MGRN1: variants seen among roughly 807,000 people sequenced by gnomAD.
MGRN1 encodes E3 ubiquitin-protein ligase MGRN1.
Under a neutral mutation model 69.2 loss-of-function variants are expected in MGRN1, and 29 were observed. The ratio of observed to expected loss-of-function variants is 0.42; its 90% CI spans 0.31 to 0.57. The LOEUF (loss-of-function observed/expected upper bound fraction) is 0.57, where lower values mean the gene tolerates loss of function less well. Among genes scored for constraint, MGRN1 ranks in the 20% least tolerant of loss-of-function variants. MGRN1 has a pLI of 0.15. For synonymous variants in MGRN1, 470 were observed against 344.2 expected, an observed-to-expected ratio of 1.37 and a Z score of -4.04; for missense variants, 998 against 796.2, an observed-to-expected ratio of 1.25 and a Z score of -3.05.
chr16:4,682,516 C>G (rs911897013), intron 13 of MGRN1, among the ~76,000 whole-genome samples: 13 of 152,254 alleles, frequency 8.5e-5, no homozygotes, highest in African/African-American at 1.7e-4. Context: ...GGGCCTCTGT[C>G]TCCTGCTGCT....
At chr16:4,656,599 A>T (rs988233051) in intron 4 of MGRN1, among the ~76,000 whole-genome samples, 1 of 152,122 alleles carries the variant, frequency 6.6e-6, no homozygotes, top group Non-Finnish European at 1.5e-5. Flanking sequence ...AGTAAACTCA[A>T]GCTGGGTGCA....
chr16:4,660,766 C>T (rs1481906633), intron 5 of MGRN1, among the ~76,000 whole-genome samples: 1 of 129,262 alleles, frequency 7.7e-6, no homozygotes, highest in Admixed American at 7.6e-5. Flanking sequence ...GACGATGACT[C>T]CTGTGTGGAC....
chr16:4,628,877 G>C (rs887327822), intron 1 of MGRN1, among the ~76,000 whole-genome samples: 1 of 151,794 alleles, frequency 6.6e-6, no homozygotes, highest in African/African-American at 2.4e-5. Context: ...GTCTCGCTCT[G>C]TTGCCCTGGA....
At position 4,639,619 on chromosome 16, in the gene MGRN1, G is replaced by A. The variant is rs558526755; in HGVS notation, c.89-10746G>A. ...GCACAGCGTCTGCCCCCTCGGTGCG[G>A]GAGGATGAGGAACGCCTGCCTGTGG... On this transcript the variant is annotated intron_variant, in intron 1 of 16. Transcript: ENST00000262370. Among the ~76,000 whole-genome samples the A allele has an allele frequency of 6.5e-4, 99 of 152,238 alleles. No individual in the cohort carries two copies. The South Asian group carries it at 0.019, about 30-fold the overall frequency.
intron 10 of MGRN1, among the ~76,000 whole-genome samples, chr16:4,674,586 TTTTTCTTTTC>T (rs1485322218): frequency 7.9e-5 from 11 of 140,040 alleles, no homozygotes; most frequent in Non-Finnish European, 1.4e-4. Flanking sequence ...CGCTTTTTTT[TTTTTCTTTTC>T]TTTTCTTTTT....
Position 4,680,345 on chromosome 16 carries a change from G to GC in MGRN1, c.1131+253dup. 6.1e-6 allele frequency: 3 copies of GC among 488,590 alleles called. No individual in the cohort carries two copies. The East Asian group carries it at 1.1e-4, about 18-fold the overall frequency. 30.3% of individuals were successfully genotyped at this position (488,590 alleles called of 1,614,324 possible). On this transcript the variant is annotated intron_variant, in intron 12 of 16. Transcript: ENST00000262370. ...CTCAGCTTTGCCTCCGCCCCGCGTG[G>GC]CCCCCGTGCCGTTTCCCTTTTTTTT...
intron 14 of MGRN1, 78 bp downstream of exon 14, chr16:4,683,024 C>A (rs956110499): frequency 7.4e-6 from 11 of 1,485,842 alleles, no homozygotes; most frequent in Non-Finnish European, 9.9e-6. Flanking sequence ...AATCAGACCC[C>A]ATCCCACTGC....
chr16:4,624,995 T>C lies in MGRN1; in HGVS notation c.35T>C (p.Val12Ala). 1.3e-6 allele frequency: 2 copies of C among 1,558,014 alleles called. No homozygotes were observed. Among genetic ancestry groups the C allele is most frequent in the Non-Finnish European group, 1.7e-6 (2 of 1,154,838 alleles). ...ATTCTCAGCCGCCGCATCGCGGGGG[T>C]GGAGGACATCGACATCCAGGCGAAC... ...GSILSRRIAG[V>A]EDIDIQANSA... Residue 12 changes from valine to alanine, a missense_variant, in exon 1 of 17, where the codon GTG becomes GCG. Coordinates refer to ENST00000262370, the MANE Select transcript of MGRN1 (RefSeq NM_015246.4).
rs1373537267 is a variant in MGRN1 at position 4,690,833 on chromosome 16, C to T, written c.*1925C>T. On this transcript the variant is annotated 3_prime_UTR_variant, in exon 17 of 17. Transcript: ENST00000262370. ...AGGCCCCAGCCTCTGGCCATCAGTC[C>T]TGGTGCCAGAGCTTTGCGTGAAGTT... is the stretch of plus-strand genomic sequence containing the variant. 2 of 141,934 alleles carry T rather than the reference C, an allele frequency of 1.4e-5. No homozygotes were observed. Among genetic ancestry groups the T allele is most frequent in the Admixed American group, 7.0e-5 (1 of 14,230 alleles). 8.8% of individuals were successfully genotyped at this position (141,934 alleles called of 1,614,324 possible). A position where few individuals can be genotyped will look rare whatever the true frequency, so the allele number is the denominator to read the frequency against.
At chr16:4,625,612 C>G (rs995773279) in intron 1 of MGRN1, among the ~76,000 whole-genome samples, 11 of 152,056 alleles carry the variant, frequency 7.2e-5, no homozygotes, top group African/African-American at 2.7e-4. Flanking sequence ...CTGAGAGGAC[C>G]CAGCCGATAC....
chr16:4,628,000 A>C (rs1897775969), intron 1 of MGRN1, among the ~76,000 whole-genome samples: 1 of 148,770 alleles, frequency 6.7e-6, no homozygotes, highest in Admixed American at 6.7e-5. Context: ...GAATGGTGTG[A>C]ACCCAGGAGG....
In MGRN1 at chr16:4,677,591, C is replaced by T. The variant is rs2079081149; in HGVS notation, c.1065+19C>T. Reference sequence around the variant, plus strand: ...GCACTCTGTAAGTGCCGCCTCCTGCCTGCGGGATGGGCGGGAGAGGGGCAT... The same window carrying T: ...GCACTCTGTAAGTGCCGCCTCCTGCTTGCGGGATGGGCGGGAGAGGGGCAT... On this transcript the variant is annotated intron_variant, in intron 11 of 16. Coordinates refer to ENST00000262370, the MANE Select transcript of MGRN1 (RefSeq NM_015246.4). 3 of 1,595,320 alleles carry T rather than the reference C, an allele frequency of 1.9e-6. No homozygotes were observed. The highest frequency in any genetic ancestry group is 1.7e-5 in the Admixed American group (1 of 59,944).
chr16:4,687,220 G>A, intron 16 of MGRN1: 1 of 985,434 alleles, frequency 1.0e-6, no homozygotes. Flanking sequence ...CCCCCAAGAG[G>A]CGCCCTCTAC....
At chr16:4,678,186 C>T (rs898107584) in intron 11 of MGRN1, among the ~76,000 whole-genome samples, 5 of 152,206 alleles carry the variant, frequency 3.3e-5, no homozygotes, top group African/African-American at 7.2e-5. Context: ...TTCCCCCATG[C>T]GCTGCTGTGC....
intron 1 of MGRN1, among the ~76,000 whole-genome samples, chr16:4,632,120 TTCTC>T (rs1341544929): frequency 1.3e-5 from 2 of 148,298 alleles, no homozygotes; most frequent in Non-Finnish European, 3.0e-5. Flanking sequence ...GTTCAAGTGA[TTCTC>T]TCCTGCCTCA....
chr16:4,671,392 T>C lies in MGRN1; in HGVS notation c.728T>C (p.Val243Ala). 6.2e-7 allele frequency: 1 copy of C among 1,614,042 alleles called. No homozygotes were observed. Among genetic ancestry groups the C allele is most frequent in the South Asian group, 1.1e-5 (1 of 91,080 alleles). The change falls in exon 9 of 17, where the codon GTG becomes GCG. Residue 243 changes from valine to alanine, a missense_variant and splice_region_variant. Physicochemically the swap from Val to Ala is moderately conservative, Grantham distance 64. Transcript: ENST00000262370. Reference protein sequence around the residue: ...SVKPLKQKQIVDRVSYLLQEI... With the variant: ...SVKPLKQKQIADRVSYLLQEI... ...AGTGAGCCCCTCTCTGCTCTCCAGGTGGACCGGGTCAGCTACCTCCTGCAG... is the reference window on the plus strand; with the variant it reads ...AGTGAGCCCCTCTCTGCTCTCCAGGCGGACCGGGTCAGCTACCTCCTGCAG...
chr16:4,668,416 T>A, intron 8 of MGRN1, 104 bp downstream of exon 8: 1 of 1,229,672 alleles, frequency 8.1e-7, no homozygotes, highest in Non-Finnish European at 1.2e-6. Flanking sequence ...CACACGCACA[T>A]ATACTCATAC....
chr16:4,688,875 C>G lies in MGRN1; in HGVS notation c.1698C>G (p.Pro566=), dbSNP rs566570978. ...PTWPPLGGPS[P]DPSAAELTPL is the part of the protein sequence containing the mutation. ...GGCCTCCACTTGGTGGCCCCAGCCC[C>G]GATCCCAGCGCCGCCGAGCTGACCC... The change falls in exon 17 of 17, where the codon CCC becomes CCG. Residue 566 remains proline, a synonymous_variant. Coordinates refer to ENST00000262370, the MANE Select transcript of MGRN1 (RefSeq NM_015246.4). The G allele has an allele frequency of 1.9e-6, 3 of 1,553,114 alleles. No homozygotes were observed. The highest frequency in any genetic ancestry group is 2.4e-5 in the East Asian group (1 of 41,194).
Position 4,689,216 on chromosome 16 carries a change from C to T in MGRN1, c.*308C>T, listed in dbSNP as rs968417944. On this transcript the variant is annotated 3_prime_UTR_variant, in exon 17 of 17. Coordinates refer to ENST00000262370, the MANE Select transcript of MGRN1 (RefSeq NM_015246.4). ...TGGGGCTGGGGCTGCCCACGTGTGG[C>T]CTCCGCTGGCTCTGCCTGCTCCTGC... is the stretch of plus-strand genomic sequence containing the variant. The T allele has an allele frequency of 1.2e-5, 4 of 321,134 alleles. No homozygotes were observed. The highest frequency in any genetic ancestry group is 4.2e-5 in the African/African-American group (2 of 47,294). 19.9% of individuals were successfully genotyped at this position (321,134 alleles called of 1,614,324 possible).
Sources: gnomAD v4.1 joint callset for allele counts (sites outside exome capture counted in the v4.1 genomes callset) on GRCh38, gnomAD v4.1.1 for gene constraint, MANE v1.5 for transcripts, NCBI Gene and HGNC (gene_info 2026-07-23, HGNC 2026-07-21) for gene names.